FBXW4: variants seen among roughly 807,000 people sequenced by gnomAD.
The protein encoded by FBXW4 is F-box and WD repeat domain containing 4.
FBXW4 carries 40 observed loss-of-function variants against 61.8 expected under a neutral mutation model. That is an observed-to-expected ratio of 0.65 (90% CI 0.50 to 0.84). The LOEUF (loss-of-function observed/expected upper bound fraction) is 0.84. Ranked by LOEUF, FBXW4 falls within the 40% of genes least tolerant of loss-of-function variation. FBXW4 has a pLI of 0.00. For synonymous variants in FBXW4, 311 were observed against 313.8 expected, an observed-to-expected ratio of 0.99 and a Z score of 0.10; for missense variants, 672 against 753.8, an observed-to-expected ratio of 0.89 and a Z score of 1.27.
At chr10:101,619,671 A>AG (rs1468737969) in intron 6 of FBXW4, among the ~76,000 whole-genome samples, 1 of 151,800 alleles carries the variant, frequency 6.6e-6, no homozygotes, top group African/African-American at 2.4e-5. Context: ...AAAAAAAAAA[A>AG]AAGAAGAGGA....
chr10:101,648,066 C>T (rs910311728), intron 5 of FBXW4, among the ~76,000 whole-genome samples: 1 of 152,210 alleles, frequency 6.6e-6, no homozygotes, highest in Non-Finnish European at 1.5e-5. Flanking sequence ...GGTCCCTGTC[C>T]ACTAGGCAAA....
chr10:101,611,454 G>T lies in FBXW4; in HGVS notation c.1585-44C>A, dbSNP rs760403162. On this transcript the variant is annotated intron_variant, in intron 8 of 8. Coordinates refer to ENST00000331272, the MANE Select transcript of FBXW4 (RefSeq NM_022039.4). The surrounding 1 kb of genome is among the most constrained non-coding windows in gnomAD (Gnocchi z 4.9). ...GAAGTGGTAAGAGCTTTCCAAGTGG[G>T]ACATGGGTGTGCCCTAACCCAGGAT... 9 of 1,599,214 alleles carry T rather than the reference G, an allele frequency of 5.6e-6. No homozygotes were observed. In the Admixed American group the frequency reaches 1.5e-4, roughly 27 times the overall value.
At chr10:101,679,536 A>G (rs893422923) in intron 1 of FBXW4, among the ~76,000 whole-genome samples, 1 of 152,232 alleles carries the variant, frequency 6.6e-6, no homozygotes, top group African/African-American at 2.4e-5. Context: ...AAATCACTTT[A>G]ATTAGTGCTA....
intron 5 of FBXW4, 178 bp from the exon 6 acceptor site, chr10:101,624,988 G>T: frequency 1.4e-6 from 1 of 694,058 alleles, no homozygotes. Flanking sequence ...AGCACTGTGA[G>T]GGGTGTAGCC....
chr10:101,694,853 C>T lies in FBXW4; in HGVS notation c.253G>A (p.Ala85Thr), dbSNP rs967278321. ...AGARACPREE[A>T]EGGRSVEEGA... The stretch of plus-strand genomic sequence containing the variant: ...TCCTCCACGCTTCTGCCTCCCTCTG[C>T]TTCCTCCCTTGGGCATGCCCTCGCT... Residue 85 changes from alanine (A) to threonine (T), a missense_variant, in exon 1 of 9, where the codon GCA becomes ACA. Transcript: ENST00000331272. The surrounding 1 kb of genome is among the most constrained non-coding windows in gnomAD (Gnocchi z 6.0). The T allele has an allele frequency of 1.8e-5, 23 of 1,279,476 alleles. No individual in the cohort carries two copies. The highest frequency in any genetic ancestry group is 2.2e-5 in the Non-Finnish European group (22 of 1,015,460). 79.3% of individuals were successfully genotyped at this position (1,279,476 alleles called of 1,614,324 possible). A position where few individuals can be genotyped will look rare whatever the true frequency, so the allele number is the denominator to read the frequency against.
intron 5 of FBXW4, among the ~76,000 whole-genome samples, chr10:101,661,080 G>C (rs1348971606): frequency 6.6e-6 from 1 of 152,240 alleles, no homozygotes; most frequent in Admixed American, 6.5e-5. Flanking sequence ...CTGAGGGATA[G>C]AAATGCATCC....
chr10:101,694,400 T>A lies in FBXW4; in HGVS notation c.706A>T (p.Thr236Ser). The A allele has an allele frequency of 2.0e-6, 3 of 1,485,730 alleles. No individual in the cohort carries two copies. The highest frequency in any genetic ancestry group is 2.7e-6 in the Non-Finnish European group (3 of 1,130,050). The allele number at this position is 1,485,730 out of a possible 1,614,324, so 92.0% of individuals were successfully genotyped here. A position where few individuals can be genotyped will look rare whatever the true frequency, so the allele number is the denominator to read the frequency against. ...GCTTACAGGTCGGTGCCGAGCCGCG[T>A]GAAGCCGGAGTTGAGCGAGGCCCGG... Reference protein sequence around the residue: ...IARASLNSGFTRLGTDLMTSV... With the variant: ...IARASLNSGFSRLGTDLMTSV... The change falls in exon 1 of 9, where the codon ACG becomes TCG. Residue 236 changes from threonine (T) to serine (S), a missense_variant. Physicochemically the swap from Thr to Ser is moderately conservative, Grantham distance 58. Coordinates refer to ENST00000331272, the MANE Select transcript of FBXW4 (RefSeq NM_022039.4). This position sits in a 1 kb window ranked among gnomAD's most constrained non-coding sequence, Gnocchi z 6.0.
chr10:101,612,188 A>G, intron 7 of FBXW4, 149 bp downstream of exon 7: 1 of 980,720 alleles, frequency 1.0e-6, no homozygotes, highest in Non-Finnish European at 1.4e-6. Flanking sequence ...GCCCAAATGT[A>G]GGAAGTCTAG....
intron 4 of FBXW4, among the ~76,000 whole-genome samples, chr10:101,669,344 G>C (rs547705214): frequency 1.3e-5 from 2 of 152,300 alleles, no homozygotes; most frequent in East Asian, 3.9e-4. Context: ...AGGCAGCCCA[G>C]CTAAAAAGAC....
intron 1 of FBXW4, among the ~76,000 whole-genome samples, chr10:101,677,143 C>G (rs747815064): frequency 7.9e-5 from 12 of 152,130 alleles, no homozygotes; most frequent in Non-Finnish European, 1.6e-4. Context: ...AAAGGTCTGG[C>G]AGTTTATTAT....
intron 5 of FBXW4, among the ~76,000 whole-genome samples, chr10:101,640,829 C>T (rs532122726): frequency 7.1e-6 from 1 of 140,986 alleles, no homozygotes; most frequent in East Asian, 2.2e-4. Context: ...ACTCTTCCTT[C>T]CCCCACCCCC....
chr10:101,677,193 C>T (rs903135779), intron 1 of FBXW4, among the ~76,000 whole-genome samples: 1 of 152,000 alleles, frequency 6.6e-6, no homozygotes, highest in Non-Finnish European at 1.5e-5. Context: ...TAGGAATAAC[C>T]TTAGAGAAAC....
chr10:101,645,601 C>T (rs1441480277), intron 5 of FBXW4, among the ~76,000 whole-genome samples: 1 of 152,178 alleles, frequency 6.6e-6, no homozygotes, highest in East Asian at 1.9e-4. Context: ...AAAGACAGGG[C>T]TTCATTCCTT....
chr10:101,695,187 G>T (rs1313973055), upstream of FBXW4: 8 of 985,458 alleles, frequency 8.1e-6, no homozygotes, highest in Non-Finnish European at 9.6e-6. This position sits in a 1 kb window ranked among gnomAD's most constrained non-coding sequence, Gnocchi z 4.2. Flanking sequence ...ACACCATGTC[G>T]GACCGGGTCA....
intron 5 of FBXW4, among the ~76,000 whole-genome samples, chr10:101,663,198 C>A (rs959286291): frequency 6.6e-6 from 1 of 152,182 alleles, no homozygotes; most frequent in Non-Finnish European, 1.5e-5. Flanking sequence ...TGACACTCCC[C>A]CTTCCTCCCC....
At chr10:101,668,157 G>A (rs1330312228) in intron 4 of FBXW4, among the ~76,000 whole-genome samples, 177 bp from the exon 5 acceptor site, 6 of 152,176 alleles carry the variant, frequency 3.9e-5, no homozygotes, top group South Asian at 2.1e-4. Flanking sequence ...ACCTACCCCC[G>A]CAGATAGGCC....
intron 5 of FBXW4, among the ~76,000 whole-genome samples, chr10:101,651,470 C>T (rs982936487): frequency 6.6e-6 from 1 of 152,078 alleles, no homozygotes; most frequent in Non-Finnish European, 1.5e-5. Context: ...GGTCTCCCAC[C>T]GTTGTGAGAA....
intron 5 of FBXW4, among the ~76,000 whole-genome samples, chr10:101,634,485 A>G (rs1406934257): frequency 2.7e-5 from 4 of 149,358 alleles, no homozygotes; most frequent in South Asian, 2.1e-4. Context: ...AAAAAGAACA[A>G]TAAGAAAGAA....
At chr10:101,664,167 G>A (rs4919572) in intron 5 of FBXW4, among the ~76,000 whole-genome samples, 110,231 of 152,206 alleles carry the variant, frequency 0.72, 40,261 homozygotes, top group East Asian at 0.96. Flanking sequence ...TCTCTCAGTC[G>A]TGAGGACCTC....
Sources: gnomAD v4.1 joint callset for allele counts (sites outside exome capture counted in the v4.1 genomes callset) on GRCh38, gnomAD v4.1.1 for gene constraint, Gnocchi (gnomAD v3.1) non-coding constraint, MANE v1.5 for transcripts, NCBI Gene and HGNC (gene_info 2026-07-23, HGNC 2026-07-21) for gene names.